Variants in TPD52 observed in about 807,000 individuals in gnomAD.
TPD52 encodes the protein prostate and colon associated protein.
Under a neutral mutation model 31.3 loss-of-function variants are expected in TPD52, and 17 were observed. The ratio of observed to expected loss-of-function variants is 0.54; its 90% confidence interval spans 0.37 to 0.82. TPD52 has a LOEUF of 0.82. Among genes scored for constraint, TPD52 ranks in the 40% least tolerant of loss-of-function variants. The probability of loss-of-function intolerance (pLI) is 0.00; values close to 1 mark genes in which losing one functional copy is unlikely to be tolerated. For missense variants in TPD52, 212 were observed against 240.1 expected (o/e 0.88, Z 0.77); for synonymous variants, 83 against 89.6 (o/e 0.93, Z 0.42).
intron 1 of TPD52, among the ~76,000 whole-genome samples, chr8:80,070,509 A>G (rs147908464): frequency 6.6e-6 from 1 of 152,214 alleles, no homozygotes; most frequent in African/African-American, 2.4e-5. Context: ...CTCATAAGCA[A>G]TGTGCAACCT....
intron 1 of TPD52, among the ~76,000 whole-genome samples, chr8:80,066,310 C>T (rs954540970): frequency 1.3e-5 from 2 of 152,132 alleles, no homozygotes; most frequent in Admixed American, 6.5e-5. Flanking sequence ...TAATAATAAT[C>T]ATCAGCATGG....
chr8:80,100,351 A>C (rs4740102), intron 1 of TPD52, among the ~76,000 whole-genome samples: 3,122 of 152,316 alleles, frequency 0.02, 237 homozygotes, highest in Admixed American at 0.14. Flanking sequence ...AACACTATTC[A>C]TACTCCCCTT....
At chr8:80,052,085 A>G (rs1811438408) in intron 3 of TPD52, among the ~76,000 whole-genome samples, 1 of 152,236 alleles carries the variant, frequency 6.6e-6, no homozygotes, top group Non-Finnish European at 1.5e-5. Flanking sequence ...AGTAGGACCC[A>G]TTTGTATTTT....
chr8:80,146,508 G>A (rs7844305), intron 1 of TPD52, among the ~76,000 whole-genome samples: 19,319 of 152,170 alleles, frequency 0.13, 1,628 homozygotes, highest in African/African-American at 0.23. Context: ...ACCTAAGGCC[G>A]GGCATTAATG....
At chr8:80,112,540 G>C (rs1209776332) in intron 1 of TPD52, among the ~76,000 whole-genome samples, 1 of 152,146 alleles carries the variant, frequency 6.6e-6, no homozygotes, top group South Asian at 2.1e-4. Context: ...ACTCTTGGTA[G>C]TAAAGAATAC....
At position 80,042,677 on chromosome 8, in the gene TPD52, A is replaced by G. The variant is rs778724683; in HGVS notation, c.456-9T>C. 28 of 1,604,454 alleles carry G rather than the reference A, an allele frequency of 1.7e-5. No homozygotes were observed. The highest frequency in any genetic ancestry group is 2.3e-5 in the Non-Finnish European group (27 of 1,177,114). On this transcript the variant is annotated splice_polypyrimidine_tract_variant and intron_variant, in intron 6 of 7. Coordinates refer to ENST00000518937, the MANE Select transcript of TPD52 (RefSeq NM_001025253.3). Reference sequence around the variant, plus strand: ...TAAAAGTTGGGGAGTTTCTATGGAGAGAAAAGAAAAACAAATAGTAAATAC... The same window carrying G: ...TAAAAGTTGGGGAGTTTCTATGGAGGGAAAAGAAAAACAAATAGTAAATAC...
At chr8:80,052,562 C>A in intron 3 of TPD52, 1 of 1,230,062 alleles carries the variant, frequency 8.1e-7, no homozygotes, top group Non-Finnish European at 1.1e-6. Context: ...ATGCAGTTGG[C>A]CTCACTTCTG....
intron 1 of TPD52, among the ~76,000 whole-genome samples, chr8:80,069,677 G>GTT (rs5892704): frequency 7.9e-5 from 12 of 151,178 alleles, no homozygotes; most frequent in East Asian, 7.7e-4. Flanking sequence ...GATAAAGCAG[G>GTT]TTTTTTTTTA....
Position 80,043,348 on chromosome 8 carries a change from G to A in TPD52, c.456-680C>T, listed in dbSNP as rs1056170770. Among the ~76,000 whole-genome samples the A allele has an allele frequency of 2.0e-5, 3 of 152,068 alleles. No individual in the cohort carries two copies. In the East Asian group the frequency reaches 5.8e-4, roughly 29 times the overall value. ...TAGCGCCTTTGTCTCTCACAAAGGC[G>A]CTTTGGAAACAGGGTTTCCAATGCT... On this transcript the variant is annotated intron_variant, in intron 6 of 7. Coordinates refer to ENST00000518937, the MANE Select transcript of TPD52 (RefSeq NM_001025253.3).
chr8:80,075,695 G>A (rs988300513), intron 1 of TPD52, among the ~76,000 whole-genome samples: 1 of 152,060 alleles, frequency 6.6e-6, no homozygotes, highest in African/African-American at 2.4e-5. Flanking sequence ...GGACATTCCA[G>A]AAAAGAGTGA....
chr8:80,051,383 G>A (rs896795138), intron 4 of TPD52, 144 bp downstream of exon 4: 9 of 681,576 alleles, frequency 1.3e-5, no homozygotes, highest in African/African-American at 1.3e-4. Context: ...GAGCCTTCCA[G>A]GTACTGGTTT....
chr8:80,088,331 G>C (rs1815979369), intron 1 of TPD52, among the ~76,000 whole-genome samples: 1 of 152,164 alleles, frequency 6.6e-6, no homozygotes, highest in Admixed American at 6.5e-5. Context: ...TGGAGAGTAG[G>C]AATTTGGTTT....
At chr8:80,052,971 A>G in intron 3 of TPD52, 1 of 246,610 alleles carries the variant, frequency 4.1e-6, no homozygotes, top group Non-Finnish European at 7.9e-6. Context: ...ACCCATTCTT[A>G]CTGGGTTATT....
At chr8:80,055,896 G>T (rs1811823206) in intron 2 of TPD52, among the ~76,000 whole-genome samples, 1 of 152,146 alleles carries the variant, frequency 6.6e-6, no homozygotes, top group South Asian at 2.1e-4. Flanking sequence ...ACAGATGCTG[G>T]CAAGGATCCA....
chr8:80,131,040 G>A (rs1808982262), intron 1 of TPD52, among the ~76,000 whole-genome samples: 2 of 152,176 alleles, frequency 1.3e-5, no homozygotes, highest in African/African-American at 4.8e-5. Flanking sequence ...TTGTTAAAAT[G>A]TGGGTGGGGT....
rs1815421907 is a variant in TPD52 at position 80,082,738 on chromosome 8, G to GTC, written c.20-18146_20-18145insGA. ...GAAGAGCCCCCTGACAGGCGCCTGT[G>GTC]CCTATCCAGGGCCTCTCCAGGGCGC... is the stretch of plus-strand genomic sequence containing the variant. On this transcript the variant is annotated intron_variant, in intron 1 of 7. Transcript: ENST00000518937. Among the ~76,000 whole-genome samples, 3 of 152,138 alleles carry GTC rather than the reference G, an allele frequency of 2.0e-5. No individual in the cohort carries two copies. In the Admixed American group the frequency reaches 2.0e-4, roughly 10 times the overall value.
At chr8:80,149,554 G>A (rs1444506126) in intron 1 of TPD52, among the ~76,000 whole-genome samples, 1 of 152,228 alleles carries the variant, frequency 6.6e-6, no homozygotes. Flanking sequence ...TGGGTAACAG[G>A]CAGAGGTTGG....
intron 1 of TPD52, among the ~76,000 whole-genome samples, chr8:80,120,042 T>C (rs1487333507): frequency 1.3e-5 from 2 of 152,162 alleles, no homozygotes; most frequent in African/African-American, 2.4e-5. Context: ...AACTCTGTTA[T>C]GATAGAATAG....
chr8:80,145,633 A>T (rs1192387760), intron 1 of TPD52, among the ~76,000 whole-genome samples: 1 of 152,240 alleles, frequency 6.6e-6, no homozygotes, highest in African/African-American at 2.4e-5. Context: ...ACTATTAGAC[A>T]GGAACATCAT....
Sources: allele counts gnomAD v4.1 joint callset (sites outside exome capture counted in the v4.1 genomes callset), GRCh38; gene constraint gnomAD v4.1.1; transcripts MANE v1.5; gene names NCBI Gene and HGNC (gene_info 2026-07-23, HGNC 2026-07-21).